The following CPM variants were observed in gnomAD, a reference collection of about 807,000 sequenced individuals.
CPM encodes carboxypeptidase M, also known as renal carboxypeptidase.
In CPM, 35 loss-of-function variants were observed where a neutral mutation model predicts 46.4. The observed-to-expected ratio is 0.75, with a 90% CI of 0.58 to 1.00. The LOEUF is 1.00. Ranked by LOEUF, CPM falls within the 50% of genes least tolerant of loss-of-function variation. The pLI is 0.00. For missense variants in CPM, 422 were observed against 530.4 expected (o/e 0.80, Z 2.01); for synonymous variants, 195 against 195.3 (o/e 1.00, Z 0.01).
rs1368591592 is a variant in CPM, at chr12:68,853,712, A to C, written c.*2725T>G. ...CTATATTACTGTCACACTGGGGATT[A>C]AGTAAAAAAAAGAGAAAGAAGGATG... is the stretch of plus-strand genomic sequence containing the variant. On this transcript the variant is annotated 3_prime_UTR_variant, in exon 9 of 9. Transcript: ENST00000551568. 1 of 151,902 alleles carries C rather than the reference A, an allele frequency of 6.6e-6. No homozygotes were observed. The highest frequency in any genetic ancestry group is 1.5e-5 in the Non-Finnish European group (1 of 67,974). The allele number at this position is 151,902 out of a possible 1,614,324, so 9.4% of individuals were successfully genotyped here.
chr12:68,879,146 C>T, intron 3 of CPM, among the ~76,000 whole-genome samples: 1 of 152,164 alleles, frequency 6.6e-6, no homozygotes, highest in Non-Finnish European at 1.5e-5. Context: ...CATGATCACA[C>T]CAATGCATTC....
chr12:68,842,626 AC>A (rs1883877740), intron 5 of CPM: 1 of 288,704 alleles, frequency 3.5e-6, no homozygotes, highest in Non-Finnish European at 6.9e-6. Flanking sequence ...TAAAATAGTT[AC>A]GCTATTTGGT....
intron 8 of CPM, 112 bp downstream of exon 8, chr12:68,858,811 C>CT (rs1885085362): frequency 1.8e-6 from 1 of 545,896 alleles, no homozygotes; most frequent in African/African-American, 2.0e-5. Context: ...TTCTTTCTGT[C>CT]TCGATGGATC....
intron 7 of CPM, among the ~76,000 whole-genome samples, chr12:68,865,376 C>G (rs1695150): frequency 0.99 from 151,077 of 152,280 alleles, 74,950 homozygotes; most frequent in East Asian, 1. Flanking sequence ...CAGGTCAGGG[C>G]ATGGAGGCTG....
chr12:68,939,407 AAAAAG>A (rs1369901033), intron 1 of CPM, among the ~76,000 whole-genome samples: 1 of 149,756 alleles, frequency 6.7e-6, no homozygotes, highest in Non-Finnish European at 1.5e-5. Context: ...TAAATATATA[AAAAAG>A]AATACTAAAA....
chr12:68,899,905 T>C (rs1887045821), intron 2 of CPM, among the ~76,000 whole-genome samples: 1 of 152,210 alleles, frequency 6.6e-6, no homozygotes, highest in Non-Finnish European at 1.5e-5. Flanking sequence ...TCACTTCTAA[T>C]GGTTCAGTAA....
chr12:68,870,412 G>T lies in CPM; in HGVS notation c.432-13C>A, dbSNP rs764074364. 1 of 1,609,734 alleles carries T rather than the reference G, an allele frequency of 6.2e-7. No homozygotes were observed. Among genetic ancestry groups the T allele is most frequent in the Admixed American group, 1.7e-5 (1 of 59,856 alleles). On this transcript the variant is annotated splice_polypyrimidine_tract_variant and intron_variant, in intron 4 of 8. Transcript: ENST00000551568. ...GTTATAATTTTCCCTTTAAAAGAAAGAATATTTTAGGGCTTATTGATAGGG... is the reference window on the plus strand; with the variant it reads ...GTTATAATTTTCCCTTTAAAAGAAATAATATTTTAGGGCTTATTGATAGGG...
chr12:68,930,137 G>A (rs1291487320), intron 2 of CPM, among the ~76,000 whole-genome samples: 1 of 152,148 alleles, frequency 6.6e-6, no homozygotes. Flanking sequence ...CTGGAGTGCA[G>A]TGGCATGATC....
intron 1 of CPM, among the ~76,000 whole-genome samples, chr12:68,950,398 A>G (rs1343894987): frequency 6.6e-6 from 1 of 152,174 alleles, no homozygotes; most frequent in African/African-American, 2.4e-5. Flanking sequence ...GTAATTTGTA[A>G]CAGTAAAGCA....
intron 2 of CPM, among the ~76,000 whole-genome samples, chr12:68,910,691 A>G (rs1887557481): frequency 6.6e-6 from 1 of 152,198 alleles, no homozygotes; most frequent in Non-Finnish European, 1.5e-5. Flanking sequence ...TTTGTTATTT[A>G]ACCATTCTAA....
chr12:68,843,105 TTA>T, intron 5 of CPM: 1 of 222,776 alleles, frequency 4.5e-6, no homozygotes, highest in Non-Finnish European at 9.0e-6. Context: ...TTTTTTTTTT[TTA>T]AAGCCACACA....
chr12:68,952,923 G>C (rs1888957884), intron 1 of CPM, among the ~76,000 whole-genome samples: 1 of 152,182 alleles, frequency 6.6e-6, no homozygotes, highest in Non-Finnish European at 1.5e-5. Context: ...AGAACATGAG[G>C]CTTGAGCTCT....
intron 2 of CPM, among the ~76,000 whole-genome samples, chr12:68,910,246 G>T (rs75083510): frequency 7.7e-4 from 117 of 152,224 alleles, no homozygotes; most frequent in African/African-American, 2.7e-3. Context: ...TTATACCACA[G>T]AATAGTTTGA....
chr12:68,931,319 G>A (rs1565803970), intron 2 of CPM, among the ~76,000 whole-genome samples: 1 of 152,090 alleles, frequency 6.6e-6, no homozygotes, highest in East Asian at 1.9e-4. Flanking sequence ...CTAAAATCAA[G>A]GTAGAGTTTG....
chr12:68,867,159 T>C (rs1027842853), intron 6 of CPM, 111 bp from the exon 7 acceptor site: 15 of 1,067,228 alleles, frequency 1.4e-5, no homozygotes, highest in Non-Finnish European at 2.0e-5. Flanking sequence ...CAGGAAAAAA[T>C]GAATTTGACA....
At chr12:68,875,701 G>A (rs1885921325) in intron 3 of CPM, among the ~76,000 whole-genome samples, 1 of 151,168 alleles carries the variant, frequency 6.6e-6, no homozygotes, top group Admixed American at 6.6e-5. Flanking sequence ...AGCTACTCGG[G>A]AGGCTGAGGC....
intron 5 of CPM, chr12:68,844,526 A>G (rs1467877892): frequency 8.7e-6 from 2 of 228,804 alleles, no homozygotes; most frequent in African/African-American, 4.4e-5. Flanking sequence ...TGGGCTAGCC[A>G]CCGTACCACT....
At chr12:68,848,168 TCTCA>T (rs1438700172), downstream of CPM, 1 of 152,228 alleles carries the variant, frequency 6.6e-6, no homozygotes, top group Non-Finnish European at 1.5e-5. Context: ...TAAACATTAA[TCTCA>T]CTGATTGTGA....
At chr12:68,941,467 A>G (rs1395126287) in intron 1 of CPM, among the ~76,000 whole-genome samples, 2 of 152,134 alleles carry the variant, frequency 1.3e-5, no homozygotes, top group African/African-American at 4.8e-5. Context: ...TTAACCTCCC[A>G]GGCTTAAGTA....
Sources: allele counts gnomAD v4.1 joint callset (sites outside exome capture counted in the v4.1 genomes callset), GRCh38; gene constraint gnomAD v4.1.1; transcripts MANE v1.5; gene names NCBI Gene and HGNC (gene_info 2026-07-23, HGNC 2026-07-21).